FMN1: variants seen among roughly 807,000 people sequenced by gnomAD.
FMN1 encodes formin 1.
FMN1 carries 110 observed loss-of-function variants against 132.4 expected under a neutral mutation model. The ratio of observed to expected loss-of-function variants is 0.83; its 90% confidence interval spans 0.71 to 0.97. The LOEUF (loss-of-function observed/expected upper bound fraction) is 0.97. Among genes scored for constraint, FMN1 ranks in the 50% least tolerant of loss-of-function variants. The pLI is 0.00. For missense variants in FMN1, 1,792 were observed against 1,705.3 expected (o/e 1.05, Z -0.90); for synonymous variants, 722 against 651.7 (o/e 1.11, Z -1.64).
chr15:33,097,608 G>T (rs753284466), intron 4 of FMN1, among the ~76,000 whole-genome samples: 1 of 152,210 alleles, frequency 6.6e-6, no homozygotes, highest in Non-Finnish European at 1.5e-5. Context: ...TTAAAGTGTC[G>T]AAACCACCTT....
intron 9 of FMN1, among the ~76,000 whole-genome samples, chr15:32,937,132 G>A (rs1030298077): frequency 2.0e-5 from 3 of 152,116 alleles, no homozygotes; most frequent in African/African-American, 7.2e-5. Context: ...AGGGTGAGGG[G>A]CAATTGCACT....
At position 33,064,905 on chromosome 15, in the gene FMN1, G is replaced by C. The variant is rs1185216114; in HGVS notation, c.2161+52C>G. The C allele has an allele frequency of 2.4e-6, 3 of 1,244,882 alleles. No homozygotes were observed. The Admixed American group carries it at 5.5e-5, about 23-fold the overall frequency. 77.1% of individuals were successfully genotyped at this position (1,244,882 alleles called of 1,614,324 possible). A position where few individuals can be genotyped will look rare whatever the true frequency, so the allele number is the denominator to read the frequency against. On this transcript the variant is annotated intron_variant, in intron 6 of 20. Transcript: ENST00000616417. ...AGAGTCAACTAAGCTAGAACTAAAAGCCATTGCAGGAAGAGATTCATTCCC... is the reference window on the plus strand; with the variant it reads ...AGAGTCAACTAAGCTAGAACTAAAACCCATTGCAGGAAGAGATTCATTCCC...
intron 7 of FMN1, among the ~76,000 whole-genome samples, chr15:32,978,824 C>T (rs563232405): frequency 6.6e-5 from 10 of 152,272 alleles, no homozygotes; most frequent in East Asian, 1.9e-4. Context: ...AACCATGATG[C>T]GGATTCCTCA....
At chr15:33,070,337 A>G (rs2037947550) in intron 5 of FMN1, among the ~76,000 whole-genome samples, 1 of 150,630 alleles carries the variant, frequency 6.6e-6, no homozygotes, top group African/African-American at 2.4e-5. Flanking sequence ...AATGCAGATC[A>G]TCCAATTCTA....
rs34336647 is a variant in FMN1 at position 32,821,449 on chromosome 15, CT to C, written c.3929-17118del. ...CTTTTTGACTAATAAATATTTAAAT[CT>C]TTTTTTTTTTTTTTTTTTTGAGATG... On this transcript the variant is annotated intron_variant, in intron 17 of 20. Coordinates refer to ENST00000616417, the MANE Select transcript of FMN1 (RefSeq NM_001277313.2). 9.7e-3 allele frequency among the ~76,000 whole-genome samples: 1,077 copies of C among 110,780 alleles called. 16 individuals are homozygous for C. Among genetic ancestry groups the C allele is most frequent in the African/African-American group, 0.037 (1,011 of 27,550 alleles). The allele number at this position is 110,780 out of a possible 152,430, so 72.7% of individuals were successfully genotyped here.
chr15:32,768,978 G>A lies in FMN1; in HGVS notation c.*5332C>T, dbSNP rs1436048647. The A allele has an allele frequency of 6.7e-6, 1 of 149,934 alleles. No individual in the cohort carries two copies. 9.3% of individuals were successfully genotyped at this position (149,934 alleles called of 1,614,324 possible). On this transcript the variant is annotated 3_prime_UTR_variant, in exon 21 of 21. Transcript: ENST00000616417. ...ACGATCCTATCAGAGAAAGGTAAGA[G>A]AGAAAAGGTCTTCTATGGCCCTGGT... is the stretch of plus-strand genomic sequence containing the variant.
chr15:32,995,835 G>C (rs1465969141), intron 7 of FMN1, among the ~76,000 whole-genome samples: 1 of 152,214 alleles, frequency 6.6e-6, no homozygotes, highest in Non-Finnish European at 1.5e-5. Context: ...TACATATTCA[G>C]ATGTTTCCTT....
chr15:32,993,133 G>C (rs906668223), intron 7 of FMN1, among the ~76,000 whole-genome samples: 1 of 145,734 alleles, frequency 6.9e-6, no homozygotes, highest in African/African-American at 2.4e-5. Context: ...AGGCCCCAGT[G>C]AACATTTCAG....
At chr15:33,060,456 T>C (rs1049911466) in intron 6 of FMN1, among the ~76,000 whole-genome samples, 2 of 152,188 alleles carry the variant, frequency 1.3e-5, no homozygotes, top group African/African-American at 4.8e-5. Context: ...AGAAAATAGG[T>C]GGATCTTTAT....
chr15:32,821,449 CTTTTTTTTTTTT>C (rs34336647), intron 17 of FMN1, among the ~76,000 whole-genome samples: 2 of 110,830 alleles, frequency 1.8e-5, no homozygotes, highest in African/African-American at 7.3e-5. Context: ...ATATTTAAAT[CTTTTTTTTTTTT>C]TTTTTTTTGA....
intron 18 of FMN1, among the ~76,000 whole-genome samples, chr15:32,802,836 G>A (rs2057525747): frequency 6.6e-6 from 1 of 152,174 alleles, no homozygotes; most frequent in Admixed American, 6.5e-5. Context: ...ATTGTGAAGG[G>A]AAGCTTAACA....
rs1014505711 is a variant in FMN1, at chr15:33,099,605, TCCAGGATGAATTGATATGAAAATAA to T, written c.1868-10656_1868-10632del. On this transcript the variant is annotated intron_variant, in intron 4 of 20. Transcript: ENST00000616417. ...ACAGTGATGGTACAGTGCCGTTCTTTCCAGGATGAATTGATATGAAAATAAAGCATTTGTAAATCAATAAATGCAT... is the reference window on the plus strand; with the variant it reads ...ACAGTGATGGTACAGTGCCGTTCTTTAGCATTTGTAAATCAATAAATGCAT... 4.6e-5 allele frequency among the ~76,000 whole-genome samples: 7 copies of T among 152,328 alleles called. No individual in the cohort carries two copies. In the South Asian group the frequency reaches 1.2e-3, roughly 27 times the overall value.
intron 6 of FMN1, among the ~76,000 whole-genome samples, chr15:33,014,193 G>A (rs1278905318): frequency 6.6e-6 from 1 of 152,226 alleles, no homozygotes; most frequent in Admixed American, 6.5e-5. Context: ...AGAGTAGTAA[G>A]AGAATATAAA....
chr15:33,088,980 C>T lies in FMN1; in HGVS notation c.1868-6G>A. ...AAAGCCCTCAGAGGAGATACCTAAA[C>T]AAACACAGAGAAGGCCATCAGTGAC... On this transcript the variant is annotated splice_region_variant and splice_polypyrimidine_tract_variant and intron_variant, in intron 4 of 20. Coordinates refer to ENST00000616417, the MANE Select transcript of FMN1 (RefSeq NM_001277313.2). 6.5e-7 allele frequency: 1 copy of T among 1,527,348 alleles called. No individual in the cohort carries two copies. The highest frequency in any genetic ancestry group is 8.7e-7 in the Non-Finnish European group (1 of 1,144,282). 94.6% of individuals were successfully genotyped at this position (1,527,348 alleles called of 1,614,324 possible). A position where few individuals can be genotyped will look rare whatever the true frequency, so the allele number is the denominator to read the frequency against.
intron 7 of FMN1, among the ~76,000 whole-genome samples, chr15:32,983,126 T>C (rs1469213773): frequency 1.3e-5 from 2 of 152,116 alleles, no homozygotes; most frequent in Non-Finnish European, 1.5e-5. Flanking sequence ...GTTCTTCAAC[T>C]GGTGAAAAAA....
At chr15:32,928,589 A>G (rs183717987) in intron 9 of FMN1, among the ~76,000 whole-genome samples, 88 of 152,318 alleles carry the variant, frequency 5.8e-4, no homozygotes, top group African/African-American at 2.0e-3. Context: ...AAAAAGGCAA[A>G]TAAAAGCATC....
chr15:32,904,730 G>A (rs1441183376), intron 12 of FMN1, among the ~76,000 whole-genome samples: 2 of 152,176 alleles, frequency 1.3e-5, no homozygotes, highest in African/African-American at 2.4e-5. Context: ...AAAAAATAGA[G>A]TTTTATGACC....
At chr15:33,098,303 T>C (rs1047953951) in intron 4 of FMN1, among the ~76,000 whole-genome samples, 1 of 152,176 alleles carries the variant, frequency 6.6e-6, no homozygotes, top group East Asian at 1.9e-4. Context: ...CTGGGGGAGA[T>C]GTCAGGCATA....
intron 12 of FMN1, among the ~76,000 whole-genome samples, chr15:32,907,823 G>A (rs1055261336): frequency 5.9e-5 from 9 of 152,090 alleles, no homozygotes; most frequent in African/African-American, 2.2e-4. Flanking sequence ...CCTAAGCCCT[G>A]GAAAGCTGGG....
Sources: allele counts gnomAD v4.1 joint callset (sites outside exome capture counted in the v4.1 genomes callset), GRCh38; gene constraint gnomAD v4.1.1; transcripts MANE v1.5; gene names NCBI Gene and HGNC (gene_info 2026-07-23, HGNC 2026-07-21).